Variants in ZNF335 observed in about 807,000 individuals in gnomAD.
The protein encoded by ZNF335 is NRC-interacting factor 1.
ZNF335 carries 84 observed loss-of-function variants against 145.6 expected under a neutral mutation model. The ratio of observed to expected loss-of-function variants is 0.58; its 90% confidence interval spans 0.48 to 0.69. ZNF335 has a LOEUF of 0.69. Among genes scored for constraint, ZNF335 ranks in the 30% least tolerant of loss-of-function variants. The pLI is 0.00. For synonymous variants in ZNF335, 761 were observed against 717.0 expected, an observed-to-expected ratio of 1.06 and a Z score of -0.98; for missense variants, 1,865 against 1,809.7, an observed-to-expected ratio of 1.03 and a Z score of -0.55.
intron 6 of ZNF335, 42 bp downstream of exon 6, chr20:45,967,452 A>G: frequency 6.2e-7 from 1 of 1,613,848 alleles, no homozygotes; most frequent in Non-Finnish European, 8.5e-7. Context: ...GTATGTCTAG[A>G]TGGGCATAGG....
intron 17 of ZNF335, among the ~76,000 whole-genome samples, chr20:45,956,235 CT>C (rs748891893): frequency 3.9e-3 from 550 of 142,688 alleles, no homozygotes; most frequent in Middle Eastern, 7.4e-3. Context: ...TTCTTTTTTT[CT>C]TTTTTTTTTT....
At chr20:45,967,691 C>T in intron 5 of ZNF335, 43 bp downstream of exon 5, 2 of 1,609,224 alleles carry the variant, frequency 1.2e-6, no homozygotes, top group South Asian at 1.1e-5. Context: ...AGCACCCCAC[C>T]CCTACCCATG....
At chr20:45,962,233 T>A (rs1241329932) in intron 9 of ZNF335, 51 bp from the exon 10 acceptor site, 6 of 1,425,248 alleles carry the variant, frequency 4.2e-6, no homozygotes, top group Non-Finnish European at 5.9e-6. Flanking sequence ...TCCTCTCCCA[T>A]CCCCGTCCCC....
At chr20:45,962,819 G>T (rs59255088) in intron 9 of ZNF335, among the ~76,000 whole-genome samples, 30,609 of 80,876 alleles carry the variant, frequency 0.38, 6,131 homozygotes, top group African/African-American at 0.55. Flanking sequence ...TTTTTTGTTT[G>T]TTTGTTTTTT....
rs747242440 is a variant in ZNF335 at position 45,967,918 on chromosome 20, C to T, written c.630G>A (p.Gln210=). The part of the protein sequence containing the change: ...PTSTSTCLEA[Q]GGPSSPVQLP... ...GCTGCACCGGGGAGCTGGGCCCACC[C>T]TGTGCCTCCAGGCATGTGGATGTGG... is the stretch of plus-strand genomic sequence containing the variant. The change falls in exon 5 of 28, where the codon CAG becomes CAA. Residue 210 remains glutamine (Q), a synonymous_variant. Transcript: ENST00000322927. The T allele has an allele frequency of 3.1e-6, 5 of 1,612,482 alleles. No individual in the cohort carries two copies. Among genetic ancestry groups the T allele is most frequent in the Non-Finnish European group, 4.2e-6 (5 of 1,179,594 alleles).
chr20:45,955,299 C>T (rs1047881684), intron 17 of ZNF335, among the ~76,000 whole-genome samples: 2 of 135,116 alleles, frequency 1.5e-5, no homozygotes, highest in Admixed American at 8.1e-5. Flanking sequence ...TGCAGTGAGC[C>T]GAGATCGCAC....
chr20:45,967,757 A>G lies in ZNF335; in HGVS notation c.791T>C (p.Met264Thr), dbSNP rs771144195. The G allele has an allele frequency of 4.3e-6, 7 of 1,612,100 alleles. No homozygotes were observed. The African/African-American group carries it at 5.3e-5, about 12-fold the overall frequency. Residue 264 changes from methionine to threonine, a missense_variant, in exon 5 of 28, where the codon ATG becomes ACG. Transcript: ENST00000322927. ...ACCTGGACGGAAGTGGCGTTCCCGCATGTGGCGCAGCAGTGTGGCCTTGGT... is the reference window on the plus strand; with the variant it reads ...ACCTGGACGGAAGTGGCGTTCCCGCGTGTGGCGCAGCAGTGTGGCCTTGGT... ...SSTKATLLRH[M>T]RERHFRPVAA...
Position 45,960,127 on chromosome 20 carries a change from AG to A in ZNF335, c.2020+80del, listed in dbSNP as rs59602820. The stretch of plus-strand genomic sequence containing the variant: ...GGCTGGGGCTACCGAGGGGGAAGGA[AG>A]AGGATGGGAGCTAAGCCTCTGATCA... On this transcript the variant is annotated intron_variant, in intron 14 of 27. Coordinates refer to ENST00000322927, the MANE Select transcript of ZNF335 (RefSeq NM_022095.4). The A allele has an allele frequency of 0.32, 479,646 of 1,515,050 alleles. 79,049 individuals are homozygous for A. Among genetic ancestry groups the A allele is most frequent in the Non-Finnish European group, 0.34 (375,939 of 1,115,854 alleles). 93.9% of individuals were successfully genotyped at this position (1,515,050 alleles called of 1,614,324 possible). A position where few individuals can be genotyped will look rare whatever the true frequency, so the allele number is the denominator to read the frequency against.
intron 9 of ZNF335, 144 bp downstream of exon 9, chr20:45,963,329 G>A: frequency 2.0e-6 from 2 of 995,032 alleles, no homozygotes; most frequent in Non-Finnish European, 1.4e-6. Context: ...CGGTACGCCA[G>A]TGAGCCAGAC....
Position 45,949,316 on chromosome 20 carries a change from T to C in ZNF335, c.3819+17A>G, listed in dbSNP as rs752406575. The C allele has an allele frequency of 1.2e-6, 2 of 1,613,910 alleles. No homozygotes were observed. The highest frequency in any genetic ancestry group is 1.7e-6 in the Non-Finnish European group (2 of 1,179,980). On this transcript the variant is annotated intron_variant, in intron 26 of 27. Coordinates refer to ENST00000322927, the MANE Select transcript of ZNF335 (RefSeq NM_022095.4). Reference sequence around the variant, plus strand: ...CCTGCCTGTGCCCCAGGTCTCCCTGTCCCCCCACGGCCCTACCTGGGACTC... The same window carrying C: ...CCTGCCTGTGCCCCAGGTCTCCCTGCCCCCCCACGGCCCTACCTGGGACTC...
rs758935942 is a variant in ZNF335, at chr20:45,959,481, AC to A, written c.2021-49del. On this transcript the variant is annotated intron_variant, in intron 14 of 27. Transcript: ENST00000322927. ...GCTTAAGTCTGCCCGTCCCTAGCCT[AC>A]CCCCTCCAGGAATCCTTTCTTGACC... The A allele has an allele frequency of 3.8e-6, 5 of 1,323,936 alleles. No homozygotes were observed. The East Asian group carries it at 8.7e-5, about 23-fold the overall frequency. 82.0% of individuals were successfully genotyped at this position (1,323,936 alleles called of 1,614,324 possible). A position where few individuals can be genotyped will look rare whatever the true frequency, so the allele number is the denominator to read the frequency against.
At chr20:45,968,396 G>T (rs1417387396) in intron 3 of ZNF335, 34 bp from the exon 4 acceptor site, 7 of 1,590,962 alleles carry the variant, frequency 4.4e-6, no homozygotes, top group Non-Finnish European at 6.0e-6. Flanking sequence ...ACACCTCCTG[G>T]GGAGGGGGTC....
intron 4 of ZNF335, 96 bp downstream of exon 4, chr20:45,968,189 C>G (rs1300788795): frequency 6.6e-7 from 1 of 1,512,780 alleles, no homozygotes; most frequent in Non-Finnish European, 9.1e-7. Flanking sequence ...AGTGGATACC[C>G]AGCCAGGGCC....
chr20:45,971,516 AACCACGGCC>A, intron 1 of ZNF335, 56 bp from the exon 2 acceptor site: 1 of 1,517,170 alleles, frequency 6.6e-7, no homozygotes, highest in Non-Finnish European at 8.8e-7. Context: ...CAGCCCCGGC[AACCACGGCC>A]ACCCATTTGC....
intron 7 of ZNF335, 140 bp downstream of exon 7, chr20:45,965,488 C>CCCT: frequency 4.1e-6 from 4 of 986,052 alleles, no homozygotes; most frequent in Non-Finnish European, 4.3e-6. Flanking sequence ...TTTCCCCTTT[C>CCCT]CCTGGAGGCC....
chr20:45,953,385 G>C (rs1036425097), intron 18 of ZNF335, among the ~76,000 whole-genome samples: 11 of 152,176 alleles, frequency 7.2e-5, no homozygotes, highest in Non-Finnish European at 1.6e-4. Context: ...CTCACCTACT[G>C]CATGTGTGGT....
intron 17 of ZNF335, among the ~76,000 whole-genome samples, chr20:45,955,853 T>C (rs1177397802): frequency 1.3e-5 from 2 of 151,654 alleles, no homozygotes; most frequent in African/African-American, 4.9e-5. Context: ...ACTGAAAATA[T>C]ATGTACAGTG....
intron 9 of ZNF335, among the ~76,000 whole-genome samples, 183 bp from the exon 10 acceptor site, chr20:45,962,365 G>A (rs956680338): frequency 2.6e-5 from 4 of 152,216 alleles, no homozygotes; most frequent in East Asian, 3.8e-4. Context: ...TGTCCCCAGC[G>A]AGAGCACCCA....
Position 45,952,429 on chromosome 20 carries a change from T to C in ZNF335, c.2907A>G (p.Arg969=), listed in dbSNP as rs769370505. The C allele has an allele frequency of 6.4e-7, 1 of 1,573,790 alleles. No individual in the cohort carries two copies. Among genetic ancestry groups the C allele is most frequent in the South Asian group, 1.2e-5 (1 of 84,264 alleles). Reference sequence around the variant, plus strand: ...CTGGAGATGGGGGCTCAGGGCCGTCTCTGGGCAGTCCCCCACACTGCAGCA... The same window carrying C: ...CTGGAGATGGGGGCTCAGGGCCGTCCCTGGGCAGTCCCCCACACTGCAGCA... ...WPLLQCGGLP[R]DGPEPPSPAK... The change falls in exon 20 of 28, where the codon AGA becomes AGG. Residue 969 remains arginine, a synonymous_variant. Coordinates refer to ENST00000322927, the MANE Select transcript of ZNF335 (RefSeq NM_022095.4).
Sources: gnomAD v4.1 joint callset for allele counts (sites outside exome capture counted in the v4.1 genomes callset) on GRCh38, gnomAD v4.1.1 for gene constraint, MANE v1.5 for transcripts, NCBI Gene and HGNC (gene_info 2026-07-23, HGNC 2026-07-21) for gene names.